The following ZFP57 variants were observed in gnomAD, a reference collection of about 807,000 sequenced individuals.
ZFP57 encodes the protein zinc finger protein 57 homolog.
A neutral mutation model predicts 15.8 loss-of-function variants in ZFP57; 12 were observed. The ratio of observed to expected loss-of-function variants is 0.76; its 90% CI spans 0.49 to 1.23. The LOEUF is 1.23. Ranked by LOEUF, ZFP57 falls within the 50% of genes most tolerant of loss-of-function variation. The pLI is 0.00. For synonymous variants in ZFP57, 203 were observed against 242.3 expected, an observed-to-expected ratio of 0.84 and a Z score of 1.51; for missense variants, 536 against 654.9, an observed-to-expected ratio of 0.82 and a Z score of 1.98.
chr6:29,674,563 T>C (rs1231390773), intron 4 of ZFP57, among the ~76,000 whole-genome samples: 1 of 152,082 alleles, frequency 6.6e-6, no homozygotes, highest in Non-Finnish European at 1.5e-5. Context: ...TCATGAACAC[T>C]GGGCCACTTG....
chr6:29,677,765 T>TGA (rs1180378541), intron 1 of ZFP57, among the ~76,000 whole-genome samples: 2 of 56,164 alleles, frequency 3.6e-5, no homozygotes, highest in Non-Finnish European at 7.3e-5. Flanking sequence ...ATGACCAAAA[T>TGA]TATACACACA....
At chr6:29,674,257 A>G (rs1315427830) in intron 4 of ZFP57, among the ~76,000 whole-genome samples, 1 of 152,176 alleles carries the variant, frequency 6.6e-6, no homozygotes, top group Non-Finnish European at 1.5e-5. Flanking sequence ...AAGAGGAAGA[A>G]GAAGAACTCC....
Position 29,677,092 on chromosome 6 carries a change from T to A in ZFP57, c.-89A>T. On this transcript the variant is annotated 5_prime_UTR_variant, in exon 2 of 5. Transcript: ENST00000376883. ...GGATTCCTTCCTGGGGCTATCTACC[T>A]CCCAGTAACTGGGCAGATGGAGAGG... is the stretch of plus-strand genomic sequence containing the variant. 3.8e-6 allele frequency: 6 copies of A among 1,595,088 alleles called. No individual in the cohort carries two copies. The South Asian group carries it at 6.6e-5, about 18-fold the overall frequency.
At position 29,676,016 on chromosome 6, in the gene ZFP57, T is replaced by G. The variant is rs2127547331; in HGVS notation, c.167A>C (p.Glu56Ala). The G allele has an allele frequency of 1.2e-6, 2 of 1,613,418 alleles. No homozygotes were observed. The highest frequency in any genetic ancestry group is 4.5e-5 in the East Asian group (2 of 44,874). The part of the protein sequence containing the change: ...FEDVAVNFTQ[E>A]EWDCLDASQR... ...GCTGGCATCTAGACAGTCCCACTCT[T>G]CCTGGGTGAAATTCACTGCCACATC... The change falls in exon 3 of 5, where the codon GAA (glutamate) becomes GCA (alanine). Residue 56 changes from glutamate (E) to alanine (A), a missense_variant. Coordinates refer to ENST00000376883, the MANE Select transcript of ZFP57 (RefSeq NM_001109809.5).
In ZFP57 at chr6:29,677,005, T is replaced by G; in HGVS notation, c.-2A>C. 1 of 1,614,172 alleles carries G rather than the reference T, an allele frequency of 6.2e-7. No individual in the cohort carries two copies. Among genetic ancestry groups the G allele is most frequent in the African/African-American group, 1.3e-5 (1 of 75,062 alleles). On this transcript the variant is annotated 5_prime_UTR_variant, in exon 2 of 5. Transcript: ENST00000376883. The stretch of plus-strand genomic sequence containing the variant: ...GATTGGCTTCAGCTGTTCAAACATC[T>G]TCTCTTCTGTGGTGTCTCTTTCTAG...
intron 1 of ZFP57, among the ~76,000 whole-genome samples, chr6:29,679,433 G>A (rs1317232202): frequency 6.6e-6 from 1 of 152,210 alleles, no homozygotes; most frequent in African/African-American, 2.4e-5. Context: ...GTCATGAAAG[G>A]TGCATTCCTG....
At chr6:29,674,807 G>A (rs1771985413) in intron 4 of ZFP57, among the ~76,000 whole-genome samples, 1 of 152,120 alleles carries the variant, frequency 6.6e-6, no homozygotes, top group Non-Finnish European at 1.5e-5. Context: ...CAACTTTCAT[G>A]TCATCTCTCA....
intron 1 of ZFP57, 90 bp from the exon 2 acceptor site, chr6:29,677,456 A>C: frequency 9.1e-6 from 2 of 220,582 alleles, no homozygotes; most frequent in Non-Finnish European, 9.2e-6. Flanking sequence ...CAGTTACTAA[A>C]CCCCTACAGT....
In ZFP57 at chr6:29,673,652, TA is replaced by T. The variant is rs748137597; in HGVS notation, c.458del (p.Leu153HisfsTer49). On this transcript the variant is annotated frameshift_variant, in exon 5 of 5. Transcript: ENST00000376883. LOFTEE classifies it low-confidence loss of function (END_TRUNC). This position sits in a 1 kb window ranked among gnomAD's most constrained non-coding sequence, Gnocchi z 4.7. Reference protein sequence around the residue: ...LACRGAGQCPLSAPAGTMDRT... With the variant: ...LACRGAGQCPXSAPAGTMDRT... ...TGTCCATAGTCCCAGCTGGGGCAGA[TA>T]GGGGGCACTGGCCGGCCCCTCTGCA... 2 of 1,612,900 alleles carry T rather than the reference TA, an allele frequency of 1.2e-6. No homozygotes were observed. Among genetic ancestry groups the T allele is most frequent in the East Asian group, 4.5e-5 (2 of 44,888 alleles).
intron 1 of ZFP57, among the ~76,000 whole-genome samples, chr6:29,678,280 C>A (rs1246932483): frequency 6.6e-6 from 1 of 152,230 alleles, no homozygotes; most frequent in Non-Finnish European, 1.5e-5. Flanking sequence ...AAATCTTGTA[C>A]CTTTTCTCTC....
chr6:29,677,899 T>G lies in ZFP57; in HGVS notation c.-363-533A>C, dbSNP rs151101933. 6.3e-3 allele frequency among the ~76,000 whole-genome samples: 953 copies of G among 152,238 alleles called. 8 individuals are homozygous for G. The highest frequency in any genetic ancestry group is 0.02 in the Middle Eastern group (6 of 294). On this transcript the variant is annotated intron_variant, in intron 1 of 4. Coordinates refer to ENST00000376883, the MANE Select transcript of ZFP57 (RefSeq NM_001109809.5). ...CATGGTCAACCATGGTTCAAAAATA[T>G]TAAATGAAAAATTCCGGAGGACAGG...
Position 29,673,791 on chromosome 6 carries a change from C to T in ZFP57, c.353-33G>A. The stretch of plus-strand genomic sequence containing the variant: ...GAATGAGGAAGAATAACACAAAATT[C>T]ACTGTAAGAACTCCAACAGAGGCTT... On this transcript the variant is annotated intron_variant, in intron 4 of 4. Transcript: ENST00000376883. The surrounding 1 kb of genome is among the most constrained non-coding windows in gnomAD (Gnocchi z 4.7). The T allele has an allele frequency of 8.1e-6, 13 of 1,612,400 alleles. No individual in the cohort carries two copies. Among genetic ancestry groups the T allele is most frequent in the Non-Finnish European group, 1.0e-5 (12 of 1,179,790 alleles).
At position 29,672,646 on chromosome 6, in the gene ZFP57, C is replaced by A. The variant is rs1272737158; in HGVS notation, c.1465G>T (p.Val489Phe). The A allele has an allele frequency of 5.0e-6, 8 of 1,611,394 alleles. No homozygotes were observed. The highest frequency in any genetic ancestry group is 1.7e-5 in the Admixed American group (1 of 59,986). ...LGQWLGFSHD[V>F]PTMAGEEWKH... ...CATTCCTCCCCAGCCATAGTGGGGA[C>A]ATCATGAGAGAAGCCAAGCCACTGG... The change falls in exon 5 of 5, where the codon GTC becomes TTC. Residue 489 changes from valine to phenylalanine, a missense_variant. Coordinates refer to ENST00000376883, the MANE Select transcript of ZFP57 (RefSeq NM_001109809.5).
chr6:29,674,082 G>A (rs1471302039), intron 4 of ZFP57, among the ~76,000 whole-genome samples: 1 of 142,478 alleles, frequency 7.0e-6, no homozygotes, highest in African/African-American at 2.6e-5. Flanking sequence ...CAACTAGAGT[G>A]AAACTCTGTC....
chr6:29,675,531 G>A, intron 3 of ZFP57, 44 bp from the exon 4 acceptor site: 1 of 1,501,896 alleles, frequency 6.7e-7, no homozygotes, highest in South Asian at 1.1e-5. Flanking sequence ...TCCCAGGTAT[G>A]GCCCCTTCAC....
chr6:29,674,969 A>T (rs977866825), intron 4 of ZFP57, among the ~76,000 whole-genome samples: 1 of 152,058 alleles, frequency 6.6e-6, no homozygotes, highest in Non-Finnish European at 1.5e-5. Context: ...CCTGGCCAAC[A>T]TGGTGAAACC....
Position 29,673,155 on chromosome 6 carries a change from A to G in ZFP57, c.956T>C (p.Leu319Ser). Residue 319 changes from leucine to serine, a missense_variant, in exon 5 of 5, where the codon TTG (leucine) becomes TCG (serine). Physicochemically the swap from Leu to Ser is moderately radical, Grantham distance 145. Coordinates refer to ENST00000376883, the MANE Select transcript of ZFP57 (RefSeq NM_001109809.5). This position sits in a 1 kb window ranked among gnomAD's most constrained non-coding sequence, Gnocchi z 4.7. The part of the protein sequence containing the change: ...ARSQRSIQGL[L>S]DVNHAPVARS... The stretch of plus-strand genomic sequence containing the variant: ...GGCCACTGGTGCATGGTTCACATCC[A>G]AAAGCCCCTGGATGGACCTCTGGCT... 6.2e-7 allele frequency: 1 copy of G among 1,612,982 alleles called. No homozygotes were observed. The highest frequency in any genetic ancestry group is 8.5e-7 in the Non-Finnish European group (1 of 1,179,994).
chr6:29,672,722 T>C lies in ZFP57; in HGVS notation c.1389A>G (p.Lys463=), dbSNP rs773736935. 2 of 1,612,928 alleles carry C rather than the reference T, an allele frequency of 1.2e-6. No individual in the cohort carries two copies. The change falls in exon 5 of 5, where the codon AAA becomes AAG. Residue 463 remains lysine, a synonymous_variant. Transcript: ENST00000376883. ...EGLMDHWRGY[K]GKDLCQSSHH... ...GGCTGCTCTGGCACAGGTCCTTGCC[T>C]TTATAGCCCCTCCAGTGATCCATAA...
chr6:29,675,610 G>T, intron 3 of ZFP57, 123 bp from the exon 4 acceptor site: 2 of 859,004 alleles, frequency 2.3e-6, no homozygotes, highest in Non-Finnish European at 4.0e-6. Context: ...ACATGTAGAT[G>T]CGGAAAGGAG....
Sources: allele counts gnomAD v4.1 joint callset (sites outside exome capture counted in the v4.1 genomes callset), GRCh38; gene constraint gnomAD v4.1.1; non-coding constraint Gnocchi (gnomAD v3.1); transcripts MANE v1.5; gene names NCBI Gene and HGNC (gene_info 2026-07-23, HGNC 2026-07-21).